The following CLASP1 variants were observed in gnomAD, a reference collection of about 807,000 sequenced individuals.
The protein encoded by CLASP1 is CLIP-associating protein 1.
A neutral mutation model predicts 192.3 loss-of-function variants in CLASP1; 38 were observed. That is an observed-to-expected ratio of 0.20 (90% CI 0.15 to 0.26). The LOEUF is 0.26. Ranked by LOEUF, CLASP1 falls within the 10% of genes least tolerant of loss-of-function variation. CLASP1 has a pLI of 1.00. For missense variants in CLASP1, 1,433 were observed against 1,932.5 expected (o/e 0.74, Z 4.85); for synonymous variants, 691 against 712.8 (o/e 0.97, Z 0.49).
chr2:121,503,330 C>CA (rs961413060), intron 7 of CLASP1, 96 bp from the exon 8 acceptor site: 228 of 692,026 alleles, frequency 3.3e-4, no homozygotes, highest in African/African-American at 5.3e-4. Context: ...CACTCCCCAT[C>CA]AAAAAAAACA....
At chr2:121,629,826 T>C (rs891545300) in intron 1 of CLASP1, among the ~76,000 whole-genome samples, 1 of 149,970 alleles carries the variant, frequency 6.7e-6, no homozygotes, top group Non-Finnish European at 1.5e-5. Context: ...AAAACAAAAA[T>C]GATGCCATTT....
chr2:121,377,901 G>A (rs1254081729), intron 33 of CLASP1, among the ~76,000 whole-genome samples: 2 of 152,084 alleles, frequency 1.3e-5, no homozygotes, highest in East Asian at 1.9e-4. Flanking sequence ...CAGTAACCAC[G>A]AGAATGCAGG....
At chr2:121,486,550 T>C (rs1206551967) in intron 8 of CLASP1, among the ~76,000 whole-genome samples, 1 of 109,602 alleles carries the variant, frequency 9.1e-6, no homozygotes, top group Non-Finnish European at 2.0e-5. Context: ...ATCCCACAGA[T>C]ATCAGATCTA....
chr2:121,481,029 T>C (rs1018290153), intron 8 of CLASP1, among the ~76,000 whole-genome samples: 3 of 152,182 alleles, frequency 2.0e-5, no homozygotes, highest in Non-Finnish European at 4.4e-5. Flanking sequence ...ATGAGCCAAG[T>C]CACTCCCCTT....
At chr2:121,611,002 T>G (rs1225301148) in intron 1 of CLASP1, among the ~76,000 whole-genome samples, 1,580 of 24,740 alleles carry the variant, frequency 0.064, no homozygotes, top group Admixed American at 0.08. Context: ...GGAGGAGGAG[T>G]TGGAGGAGTT....
intron 2 of CLASP1, among the ~76,000 whole-genome samples, chr2:121,585,533 A>G (rs564713525): frequency 2.0e-5 from 3 of 152,140 alleles, no homozygotes; most frequent in Non-Finnish European, 4.4e-5. Flanking sequence ...GGTATATCTA[A>G]TTTTGGAGAT....
intron 2 of CLASP1, among the ~76,000 whole-genome samples, chr2:121,590,748 C>G (rs2062291652): frequency 6.6e-6 from 1 of 152,080 alleles, no homozygotes; most frequent in Non-Finnish European, 1.5e-5. Flanking sequence ...AAAGGTTGTT[C>G]CCAAGCTATA....
chr2:121,583,048 A>T lies in CLASP1; in HGVS notation c.195+22653T>A, dbSNP rs533100435. ...TGATCCACCCGCCTCAGCCTCCCAAAGTGCTAGCATTACAGGCATGAACCA... is the reference window on the plus strand; with the variant it reads ...TGATCCACCCGCCTCAGCCTCCCAATGTGCTAGCATTACAGGCATGAACCA... On this transcript the variant is annotated intron_variant, in intron 2 of 39. Coordinates refer to ENST00000263710, the Ensembl canonical transcript of CLASP1. 2.0e-5 allele frequency among the ~76,000 whole-genome samples: 3 copies of T among 152,198 alleles called. No individual in the cohort carries two copies. The South Asian group carries it at 6.2e-4, about 32-fold the overall frequency.
chr2:121,514,004 C>G (rs2094215849), intron 7 of CLASP1, among the ~76,000 whole-genome samples: 2 of 152,206 alleles, frequency 1.3e-5, no homozygotes. Flanking sequence ...TGGTGGGGGC[C>G]CTCCCCAAAT....
chr2:121,477,624 G>A (rs528720523), intron 8 of CLASP1, among the ~76,000 whole-genome samples: 24 of 152,056 alleles, frequency 1.6e-4, no homozygotes, highest in Non-Finnish European at 2.8e-4. Context: ...TTTTTTGCAC[G>A]CCAATATTTT....
chr2:121,410,395 T>G (rs532580747), intron 24 of CLASP1, among the ~76,000 whole-genome samples: 826 of 151,988 alleles, frequency 5.4e-3, no homozygotes, highest in Middle Eastern at 0.01. Flanking sequence ...CAACATAAAA[T>G]CAAACAGACA....
At chr2:121,385,453 T>C (rs1387157951) in intron 32 of CLASP1, among the ~76,000 whole-genome samples, 1 of 152,208 alleles carries the variant, frequency 6.6e-6, no homozygotes, top group Non-Finnish European at 1.5e-5. Context: ...TAACTATAAA[T>C]ACAAATTAAG....
intron 37 of CLASP1, among the ~76,000 whole-genome samples, chr2:121,355,230 C>T (rs1250735144): frequency 2.0e-5 from 3 of 152,094 alleles, no homozygotes; most frequent in Non-Finnish European, 4.4e-5. Flanking sequence ...TGGGTTCAAG[C>T]GATTCTCCTG....
chr2:121,523,044 G>A (rs938798274), intron 6 of CLASP1, among the ~76,000 whole-genome samples: 3 of 152,190 alleles, frequency 2.0e-5, no homozygotes, highest in Admixed American at 1.3e-4. Context: ...GGATTGAGGG[G>A]TGAGGCACTT....
chr2:121,397,079 C>T (rs1445278285), intron 30 of CLASP1, 61 bp downstream of exon 31: 5 of 1,567,156 alleles, frequency 3.2e-6, no homozygotes, highest in East Asian at 2.2e-5. Context: ...TTTCTAAATA[C>T]ATTTCTCTAA....
intron 28 of CLASP1, among the ~76,000 whole-genome samples, chr2:121,400,491 G>C (rs1213805816): frequency 6.6e-6 from 1 of 152,188 alleles, no homozygotes; most frequent in Non-Finnish European, 1.5e-5. Flanking sequence ...AGCCAGAGAG[G>C]GAAGAGAAGG....
chr2:121,446,952 T>C (rs1176245902), intron 19 of CLASP1, among the ~76,000 whole-genome samples: 1 of 152,122 alleles, frequency 6.6e-6, no homozygotes, highest in African/African-American at 2.4e-5. Flanking sequence ...CTACCTTTGG[T>C]GAATCCCTCA....
intron 2 of CLASP1, among the ~76,000 whole-genome samples, chr2:121,554,399 C>T (rs2058332926): frequency 6.8e-6 from 1 of 147,964 alleles, no homozygotes; most frequent in Non-Finnish European, 1.5e-5. Context: ...TCTCTTGAGC[C>T]CAGGAGTTTG....
chr2:121,552,376 A>G (rs2058118621), intron 2 of CLASP1, among the ~76,000 whole-genome samples: 1 of 152,258 alleles, frequency 6.6e-6, no homozygotes, highest in East Asian at 1.9e-4. Flanking sequence ...CTGCACAGCA[A>G]AAGAAATTAT....
Sources: gnomAD v4.1 joint callset for allele counts (sites outside exome capture counted in the v4.1 genomes callset) on GRCh38, gnomAD v4.1.1 for gene constraint, MANE v1.5 for transcripts, NCBI Gene and HGNC (gene_info 2026-07-23, HGNC 2026-07-21) for gene names.